EPHA4: variants seen among roughly 807,000 people sequenced by gnomAD.
EPHA4 encodes ephrin type-A receptor 4.
Under a neutral mutation model 108.3 loss-of-function variants are expected in EPHA4, and 19 were observed. The ratio of observed to expected loss-of-function variants is 0.18; its 90% confidence interval spans 0.12 to 0.26. The LOEUF is 0.26. Ranked by LOEUF, EPHA4 falls within the 10% of genes least tolerant of loss-of-function variation. EPHA4 has a pLI of 1.00. For synonymous variants in EPHA4, 449 were observed against 455.5 expected (o/e 0.99, Z 0.18); for missense variants, 917 against 1,254.0 (o/e 0.73, Z 4.06).
In EPHA4 at chr2:221,489,303, G is replaced by T. The variant is rs141500469; in HGVS notation, c.980-6613C>A. Reference sequence around the variant, plus strand: ...CTGCCAAAGGGCTTAAATATATGTGGATATACGGTGTAACGTGCCATATAA... The same window carrying T: ...CTGCCAAAGGGCTTAAATATATGTGTATATACGGTGTAACGTGCCATATAA... On this transcript the variant is annotated intron_variant, in intron 4 of 17. Transcript: ENST00000281821. Among the ~76,000 whole-genome samples, 4 of 152,298 alleles carry T rather than the reference G, an allele frequency of 2.6e-5. No homozygotes were observed. The East Asian group carries it at 7.7e-4, about 29-fold the overall frequency.
intron 2 of EPHA4, among the ~76,000 whole-genome samples, chr2:221,565,240 T>C (rs1248842625): frequency 1.3e-5 from 2 of 152,230 alleles, no homozygotes; most frequent in Admixed American, 1.3e-4. Flanking sequence ...TGGTAGCATT[T>C]TCTTTGCATT....
chr2:221,456,830 A>C (rs1040257407), intron 6 of EPHA4, 58 bp from the exon 7 acceptor site: 2 of 1,596,354 alleles, frequency 1.3e-6, no homozygotes, highest in Middle Eastern at 1.8e-4. Flanking sequence ...CTGCTTACTT[A>C]CTAGGTGCAA....
At chr2:221,486,733 C>A in intron 4 of EPHA4, among the ~76,000 whole-genome samples, 1 of 96,932 alleles carries the variant, frequency 1.0e-5, no homozygotes. Context: ...GACTCTGTCT[C>A]AAAATAATAA....
chr2:221,495,058 A>C (rs868457214), intron 4 of EPHA4, among the ~76,000 whole-genome samples: 1 of 151,912 alleles, frequency 6.6e-6, no homozygotes, highest in African/African-American at 2.4e-5. Context: ...CAGGTGTCTA[A>C]GGTGAACATT....
chr2:221,467,147 T>A (rs1339316915), intron 5 of EPHA4, among the ~76,000 whole-genome samples: 1 of 152,156 alleles, frequency 6.6e-6, no homozygotes, highest in African/African-American at 2.4e-5. Context: ...ACAAAACAAA[T>A]TCAATTACCA....
intron 3 of EPHA4, among the ~76,000 whole-genome samples, chr2:221,547,250 A>G (rs1258595461): frequency 3.3e-5 from 5 of 152,230 alleles, no homozygotes; most frequent in Non-Finnish European, 7.3e-5. Context: ...TAAAAATCAC[A>G]TACCCAACAT....
At chr2:221,572,420 C>A, upstream of EPHA4, 4 of 533,434 alleles carry the variant, frequency 7.5e-6, no homozygotes, top group South Asian at 7.1e-5. Context: ...CGGCCGAGCC[C>A]CGCCTTCACC....
chr2:221,554,048 G>T (rs1324144331), intron 3 of EPHA4, among the ~76,000 whole-genome samples: 4 of 152,122 alleles, frequency 2.6e-5, no homozygotes, highest in Non-Finnish European at 5.9e-5. Context: ...TTAAGAAGAG[G>T]TTAGTAAGAT....
At chr2:221,429,502 ATC>A (rs1353250807) in intron 15 of EPHA4, among the ~76,000 whole-genome samples, 1 of 152,208 alleles carries the variant, frequency 6.6e-6, no homozygotes, top group African/African-American at 2.4e-5. Flanking sequence ...AACCTAATGA[ATC>A]TCTTTCTTAC....
At chr2:221,452,753 G>C (rs2106114501) in intron 8 of EPHA4, among the ~76,000 whole-genome samples, 1 of 152,118 alleles carries the variant, frequency 6.6e-6, no homozygotes, top group African/African-American at 2.4e-5. Context: ...ATCATCGCTA[G>C]GTAACTCGAC....
At chr2:221,441,487 C>G (rs771532925) in intron 11 of EPHA4, among the ~76,000 whole-genome samples, 2 of 151,978 alleles carry the variant, frequency 1.3e-5, no homozygotes, top group Non-Finnish European at 2.9e-5. Context: ...CCTCCATCAC[C>G]CAATAAAACC....
chr2:221,454,738 A>T (rs1342342032), intron 8 of EPHA4, among the ~76,000 whole-genome samples: 1 of 152,198 alleles, frequency 6.6e-6, no homozygotes, highest in Non-Finnish European at 1.5e-5. Flanking sequence ...AATGGAGACA[A>T]AAACAGTAAG....
In EPHA4 at chr2:221,434,145, T is replaced by C. The variant is rs755784033; in HGVS notation, c.2493A>G (p.Gln831=). Residue 831 remains glutamine (Q), a synonymous_variant, in exon 14 of 18, where the codon CAA becomes CAG. Coordinates refer to ENST00000281821, the MANE Select transcript of EPHA4 (RefSeq NM_004438.5). Reference sequence around the variant, plus strand: ...ATTTCAGAACATAGAGACTTACATCTTGATTGGACATATCCCAATAGGGCC... The same window carrying C: ...ATTTCAGAACATAGAGACTTACATCCTGATTGGACATATCCCAATAGGGCC... The part of the protein sequence containing the change: ...GERPYWDMSN[Q]DVIKAIEEGY... 5 of 1,611,714 alleles carry C rather than the reference T, an allele frequency of 3.1e-6. No homozygotes were observed. The highest frequency in any genetic ancestry group is 3.4e-6 in the Non-Finnish European group (4 of 1,179,148).
intron 3 of EPHA4, among the ~76,000 whole-genome samples, chr2:221,515,369 A>G (rs936529183): frequency 6.6e-6 from 1 of 152,254 alleles, no homozygotes; most frequent in African/African-American, 2.4e-5. Flanking sequence ...AGCTGGAATT[A>G]CAGGCATGAG....
intron 2 of EPHA4, 122 bp from the exon 3 acceptor site, chr2:221,564,516 A>G: frequency 1.1e-6 from 1 of 926,330 alleles, no homozygotes; most frequent in Non-Finnish European, 1.6e-6. Context: ...CAAACTACTG[A>G]GCACCAATCA....
intron 2 of EPHA4, among the ~76,000 whole-genome samples, chr2:221,567,655 C>T (rs191640580): frequency 1.4e-3 from 213 of 152,348 alleles, no homozygotes; most frequent in Non-Finnish European, 2.3e-3. Context: ...TCTCCATTTT[C>T]ATGATTATTT....
rs1259007158 is a variant in EPHA4 at position 221,457,972 on chromosome 2, A to G, written c.1337T>C (p.Leu446Ser). The G allele has an allele frequency of 1.9e-6, 3 of 1,613,036 alleles. No homozygotes were observed. The highest frequency in any genetic ancestry group is 1.3e-5 in the African/African-American group (1 of 74,888). The change falls in exon 6 of 18, where the codon TTG (leucine) becomes TCG (serine). Residue 446 changes from leucine (L) to serine (S), a missense_variant. Leu to Ser is a moderately radical substitution (Grantham distance 145). Transcript: ENST00000281821. Reference sequence around the variant, plus strand: ...TCTTGTGACTTCTTTAGCCTGGACCAAAGCAATGGATGATGGTGCTGTTAG... The same window carrying G: ...TCTTGTGACTTCTTTAGCCTGGACCGAAGCAATGGATGATGGTGCTGTTAG... ...TNQAAPSSIA[L>S]VQAKEVTRYS...
chr2:221,548,213 C>G (rs1694053209), intron 3 of EPHA4, among the ~76,000 whole-genome samples: 2 of 152,102 alleles, frequency 1.3e-5, no homozygotes, highest in South Asian at 4.1e-4. Flanking sequence ...ACAAATTAGC[C>G]AGGCGTGGCG....
chr2:221,499,346 C>T (rs957425573), intron 4 of EPHA4, among the ~76,000 whole-genome samples: 2 of 150,884 alleles, frequency 1.3e-5, no homozygotes, highest in African/African-American at 4.8e-5. Context: ...CATCTCTGAG[C>T]TTGCAGTTAC....
Sources: allele counts gnomAD v4.1 joint callset (sites outside exome capture counted in the v4.1 genomes callset), GRCh38; gene constraint gnomAD v4.1.1; transcripts MANE v1.5; gene names NCBI Gene and HGNC (gene_info 2026-07-23, HGNC 2026-07-21).